NRG3: variants seen among roughly 807,000 people sequenced by gnomAD.
NRG3 encodes the protein pro-neuregulin-3, membrane-bound isoform.
In NRG3, 31 loss-of-function variants were observed where a neutral mutation model predicts 66.9. That is an observed-to-expected ratio of 0.46 (90% CI 0.35 to 0.63). The LOEUF (loss-of-function observed/expected upper bound fraction) is 0.63, where lower values mean the gene tolerates loss of function less well. NRG3 is among the 20% of genes least tolerant of loss of function. The probability of loss-of-function intolerance (pLI) is 0.00; values close to 1 mark genes in which losing one functional copy is unlikely to be tolerated. For missense variants in NRG3, 910 were observed against 878.9 expected (o/e 1.04, Z -0.45); for synonymous variants, 393 against 359.4 (o/e 1.09, Z -1.06).
intron 2 of NRG3, among the ~76,000 whole-genome samples, chr10:82,523,079 T>C (rs1002941847): frequency 6.6e-6 from 1 of 152,246 alleles, no homozygotes; most frequent in Admixed American, 6.5e-5. Flanking sequence ...GGTTAATTTC[T>C]GTTATAGCAT....
At chr10:82,487,089 T>TATATATCTATTATATAG (rs1036506301) in intron 2 of NRG3, among the ~76,000 whole-genome samples, 24 of 148,462 alleles carry the variant, frequency 1.6e-4, no homozygotes, top group African/African-American at 3.4e-4. Context: ...TAATACACTA[T>TATATATCTATTATATAG]ATATATCTAT....
At position 82,389,463 on chromosome 10, in the gene NRG3, A is replaced by T. The variant is rs78557077; in HGVS notation, c.953+30595A>T. On this transcript the variant is annotated intron_variant, in intron 2 of 8. Transcript: ENST00000372141. The stretch of plus-strand genomic sequence containing the variant: ...TCTCATATCTTTATGCATTACTCTC[A>T]TTTATTCTTCAGAGAACATTCTGCT... Among the ~76,000 whole-genome samples, 848 of 152,282 alleles carry T rather than the reference A, an allele frequency of 5.6e-3. 8 individuals are homozygous for T. The highest frequency in any genetic ancestry group is 0.02 in the African/African-American group (823 of 41,570).
intron 3 of NRG3, among the ~76,000 whole-genome samples, chr10:82,832,761 A>G (rs1324052047): frequency 3.3e-5 from 5 of 152,026 alleles, no homozygotes; most frequent in Non-Finnish European, 5.9e-5. Context: ...TGCTTAAGAC[A>G]TAATAGGTTA....
At chr10:82,307,158 A>C (rs896153264) in intron 1 of NRG3, among the ~76,000 whole-genome samples, 3 of 152,142 alleles carry the variant, frequency 2.0e-5, no homozygotes, top group Non-Finnish European at 2.9e-5. Context: ...TTAAAGGGCA[A>C]ATGTTTTATA....
rs528715425 is a variant in NRG3, at chr10:82,602,312, T to C, written c.954-136265T>C. 2.0e-5 allele frequency among the ~76,000 whole-genome samples: 3 copies of C among 152,232 alleles called. No individual in the cohort carries two copies. In the South Asian group the frequency reaches 6.2e-4, roughly 32 times the overall value. On this transcript the variant is annotated intron_variant, in intron 2 of 8. Coordinates refer to ENST00000372141, the MANE Select transcript of NRG3 (RefSeq NM_001010848.4). ...TGATATCATGTTCTGTATCCCATGC[T>C]TGTTTAATATTCTTACTGGAGGTCA...
Position 82,893,549 on chromosome 10 carries a change from G to A in NRG3, c.1054+28112G>A, listed in dbSNP as rs111944978. On this transcript the variant is annotated intron_variant, in intron 4 of 8. Coordinates refer to ENST00000372141, the MANE Select transcript of NRG3 (RefSeq NM_001010848.4). The stretch of plus-strand genomic sequence containing the variant: ...CTAAAACTACAAAAATTTGCTGGGT[G>A]TGTTGGCGTGTGCCTGTAATCCCAG... 1.8e-3 allele frequency among the ~76,000 whole-genome samples: 269 copies of A among 152,202 alleles called. 1 individual carries two copies. The highest frequency in any genetic ancestry group is 6.0e-3 in the African/African-American group (250 of 41,556).
At chr10:82,543,776 T>G (rs1336272852) in intron 2 of NRG3, among the ~76,000 whole-genome samples, 1 of 152,228 alleles carries the variant, frequency 6.6e-6, no homozygotes, top group Non-Finnish European at 1.5e-5. Flanking sequence ...TTCGTTCAGC[T>G]CCTGCACATC....
intron 1 of NRG3, among the ~76,000 whole-genome samples, chr10:82,298,934 G>A (rs1042173861): frequency 1.3e-5 from 2 of 152,122 alleles, no homozygotes; most frequent in East Asian, 1.9e-4. Context: ...AGCTGAGGTC[G>A]GCTCCTCAAG....
chr10:82,974,782 C>T (rs547850646), intron 7 of NRG3, among the ~76,000 whole-genome samples: 1 of 152,302 alleles, frequency 6.6e-6, no homozygotes, highest in South Asian at 2.1e-4. Context: ...CCTTTGTTTT[C>T]ACATGCTGGG....
chr10:82,330,898 C>T (rs2082109988), intron 1 of NRG3, among the ~76,000 whole-genome samples: 1 of 152,188 alleles, frequency 6.6e-6, no homozygotes, highest in South Asian at 2.1e-4. Context: ...TGTCTCAGTT[C>T]TGGCCATCTA....
At chr10:82,690,227 G>A (rs1324659988) in intron 2 of NRG3, among the ~76,000 whole-genome samples, 1 of 151,728 alleles carries the variant, frequency 6.6e-6, no homozygotes, top group Non-Finnish European at 1.5e-5. Context: ...CATATAGAGA[G>A]AAAATTTAAA....
At chr10:82,965,384 T>C (rs1255860119) in intron 6 of NRG3, among the ~76,000 whole-genome samples, 1 of 152,174 alleles carries the variant, frequency 6.6e-6, no homozygotes, top group Non-Finnish European at 1.5e-5. Context: ...AGAATAAGTT[T>C]GTCCAGACCT....
chr10:82,651,450 C>A (rs1274745785), intron 2 of NRG3, among the ~76,000 whole-genome samples: 1 of 152,204 alleles, frequency 6.6e-6, no homozygotes, highest in Non-Finnish European at 1.5e-5. Flanking sequence ...AAGGACACCA[C>A]AGCTGTTCTT....
chr10:82,717,125 A>T (rs1228665845), intron 2 of NRG3, among the ~76,000 whole-genome samples: 2 of 152,060 alleles, frequency 1.3e-5, no homozygotes, highest in African/African-American at 4.8e-5. Flanking sequence ...GCAGTAATCA[A>T]AATAAAGAAA....
chr10:82,794,295 G>T (rs2060708034), intron 3 of NRG3, among the ~76,000 whole-genome samples: 1 of 152,110 alleles, frequency 6.6e-6, no homozygotes, highest in African/African-American at 2.4e-5. Flanking sequence ...TTTGGAATCA[G>T]TTTTAGTATC....
intron 2 of NRG3, among the ~76,000 whole-genome samples, chr10:82,670,742 CA>C (rs988683462): frequency 6.6e-6 from 1 of 151,920 alleles, no homozygotes. Context: ...CAAAACAAAA[CA>C]AAACAAAAAC....
chr10:82,175,870 T>A (rs1440654447), intron 1 of NRG3, among the ~76,000 whole-genome samples: 1 of 152,204 alleles, frequency 6.6e-6, no homozygotes, highest in Admixed American at 6.6e-5. Flanking sequence ...TTGATATATA[T>A]CATTTCATTT....
In NRG3 at chr10:82,788,305, C is replaced by T. The variant is rs571694449; in HGVS notation, c.1027+49655C>T. 2.0e-5 allele frequency among the ~76,000 whole-genome samples: 3 copies of T among 152,268 alleles called. No individual in the cohort carries two copies. In the South Asian group the frequency reaches 6.2e-4, roughly 32 times the overall value. On this transcript the variant is annotated intron_variant, in intron 3 of 8. Transcript: ENST00000372141. ...GTAAGAAACTACCGGAGCTGTGGCTCATGCCTGTAATCCCAGCATTTTGGG... is the reference window on the plus strand; with the variant it reads ...GTAAGAAACTACCGGAGCTGTGGCTTATGCCTGTAATCCCAGCATTTTGGG...
intron 1 of NRG3, among the ~76,000 whole-genome samples, chr10:82,198,365 G>A (rs942139161): frequency 2.0e-5 from 3 of 152,102 alleles, no homozygotes; most frequent in African/African-American, 7.2e-5. Context: ...ATAAAAGATG[G>A]TTTAAAACAA....
Sources: gnomAD v4.1 joint callset for allele counts (sites outside exome capture counted in the v4.1 genomes callset) on GRCh38, gnomAD v4.1.1 for gene constraint, MANE v1.5 for transcripts, NCBI Gene and HGNC (gene_info 2026-07-23, HGNC 2026-07-21) for gene names.